JAK2: variants seen among roughly 807,000 people sequenced by gnomAD.
JAK2 encodes the protein Janus kinase 2.
In JAK2, 86 loss-of-function variants were observed where a neutral mutation model predicts 139.3. The observed-to-expected ratio is 0.62, with a 90% CI of 0.52 to 0.74. JAK2 has a LOEUF of 0.74. JAK2 is among the 30% of genes least tolerant of loss of function. The pLI, the probability that JAK2 is intolerant of heterozygous loss-of-function variation, is 0.00. For missense variants in JAK2, 1,421 were observed against 1,360.3 expected (o/e 1.04, Z -0.70); for synonymous variants, 490 against 437.7 (o/e 1.12, Z -1.49).
chr9:5,128,159 A>AAAAAG lies in JAK2; in HGVS notation c.*1373_*1377dup, dbSNP rs1824127905. The AAAAAG allele has an allele frequency of 1.7e-5, 4 of 232,218 alleles. No individual in the cohort carries two copies. The East Asian group carries it at 2.4e-4, about 14-fold the overall frequency. 14.4% of individuals were successfully genotyped at this position (232,218 alleles called of 1,614,324 possible). A position where few individuals can be genotyped will look rare whatever the true frequency, so the allele number is the denominator to read the frequency against. ...ACTTAAAATACTTGCTGTTTTGATT[A>AAAAAG]AAAAGAAAATAGTTTCTTACTTTAT... On this transcript the variant is annotated 3_prime_UTR_variant, in exon 25 of 25. Transcript: ENST00000381652.
intron 2 of JAK2, among the ~76,000 whole-genome samples, chr9:4,999,881 C>T (rs1360124701): frequency 6.6e-6 from 1 of 152,194 alleles, no homozygotes; most frequent in African/African-American, 2.4e-5. Context: ...CATGCTACTA[C>T]TCCTGTCCTT....
At chr9:5,034,507 G>A (rs9775719) in intron 4 of JAK2, among the ~76,000 whole-genome samples, 57,911 of 151,132 alleles carry the variant, frequency 0.38, 12,992 homozygotes, top group African/African-American at 0.64. Flanking sequence ...TCCTCAGCAA[G>A]TGTAAAAGAA....
rs576222680 is a variant in JAK2 at position 5,044,292 on chromosome 9, T to A, written c.351-111T>A. The A allele has an allele frequency of 1.3e-5, 9 of 696,420 alleles. No homozygotes were observed. The East Asian group carries it at 2.4e-4, about 18-fold the overall frequency. 43.1% of individuals were successfully genotyped at this position (696,420 alleles called of 1,614,324 possible). A position where few individuals can be genotyped will look rare whatever the true frequency, so the allele number is the denominator to read the frequency against. ...TTATATTTAATACTGTTAGCTGTGTTTTCTAAGTATGGGATAATACCTTTC... is the reference window on the plus strand; with the variant it reads ...TTATATTTAATACTGTTAGCTGTGTATTCTAAGTATGGGATAATACCTTTC... On this transcript the variant is annotated intron_variant, in intron 4 of 24. Coordinates refer to ENST00000381652, the MANE Select transcript of JAK2 (RefSeq NM_004972.4).
intron 22 of JAK2, among the ~76,000 whole-genome samples, chr9:5,095,301 C>T (rs1050853600): frequency 1.3e-5 from 2 of 152,090 alleles, no homozygotes; most frequent in African/African-American, 4.8e-5. Context: ...TACGCTCACA[C>T]TGATTTCTTA....
intron 15 of JAK2, among the ~76,000 whole-genome samples, chr9:5,077,842 A>C (rs1056681975): frequency 3.3e-5 from 5 of 152,226 alleles, no homozygotes; most frequent in Non-Finnish European, 7.3e-5. Context: ...TTGGATTTAG[A>C]AAATTCAACC....
At chr9:5,080,996 C>T (rs754028570) in intron 18 of JAK2, among the ~76,000 whole-genome samples, 21 of 149,296 alleles carry the variant, frequency 1.4e-4, no homozygotes, top group African/African-American at 2.2e-4. Flanking sequence ...CCAAGGTTCA[C>T]GCCATTCTCC....
rs542536279 is a variant in JAK2, at chr9:5,033,352, G to A, written c.350+3446G>A. Among the ~76,000 whole-genome samples, 20 of 152,236 alleles carry A rather than the reference G, an allele frequency of 1.3e-4. No individual in the cohort carries two copies. In the East Asian group the frequency reaches 3.3e-3, roughly 25 times the overall value. Reference sequence around the variant, plus strand: ...TCCAGGAGAACTTCCCTAATCTAGCGAGGCAGGCAAACATTCAAATTCAGG... The same window carrying A: ...TCCAGGAGAACTTCCCTAATCTAGCAAGGCAGGCAAACATTCAAATTCAGG... On this transcript the variant is annotated intron_variant, in intron 4 of 24. Coordinates refer to ENST00000381652, the MANE Select transcript of JAK2 (RefSeq NM_004972.4).
chr9:5,080,100 T>C lies in JAK2; in HGVS notation c.2132-129T>C, dbSNP rs965137494. On this transcript the variant is annotated intron_variant, in intron 16 of 24. Coordinates refer to ENST00000381652, the MANE Select transcript of JAK2 (RefSeq NM_004972.4). ...TTATGCAGTCATGTGCATGTGCACA[T>C]CCAACCCCTCCAAAATAAAGAAAAT... The C allele has an allele frequency of 2.0e-5, 14 of 700,226 alleles. No homozygotes were observed. The African/African-American group carries it at 2.2e-4, about 11-fold the overall frequency. 43.4% of individuals were successfully genotyped at this position (700,226 alleles called of 1,614,324 possible).
rs540727032 is a variant in JAK2 at position 5,105,341 on chromosome 9, A to C, written c.3059+14430A>C. 1.1e-4 allele frequency among the ~76,000 whole-genome samples: 16 copies of C among 152,340 alleles called. 1 individual carries two copies. The highest frequency in any genetic ancestry group is 2.1e-4 in the Non-Finnish European group (14 of 68,028). On this transcript the variant is annotated intron_variant, in intron 22 of 24. Coordinates refer to ENST00000381652, the MANE Select transcript of JAK2 (RefSeq NM_004972.4). Reference sequence around the variant, plus strand: ...AGAGAATAAAATACCTGGGAATCCAACTTACAAGAGATGCGAAGGACCTCT... The same window carrying C: ...AGAGAATAAAATACCTGGGAATCCACCTTACAAGAGATGCGAAGGACCTCT...
Position 5,126,688 on chromosome 9 carries a change from A to G in JAK2, c.3296A>G (p.Tyr1099Cys), listed in dbSNP as rs1409032625. ...GGTTTATTTTCTCCTTTACAGATCT[A>G]TATGATCATGACAGAATGCTGGAAC... ...PRPDGCPDEI[Y>C]MIMTECWNNN... Residue 1099 changes from tyrosine to cysteine, a missense_variant, in exon 25 of 25, where the codon TAT becomes TGT. Transcript: ENST00000381652. 3.1e-6 allele frequency: 5 copies of G among 1,604,666 alleles called. No homozygotes were observed. The highest frequency in any genetic ancestry group is 4.3e-6 in the Non-Finnish European group (5 of 1,173,362).
At chr9:5,015,250 C>T (rs1821967647) in intron 2 of JAK2, among the ~76,000 whole-genome samples, 1 of 152,112 alleles carries the variant, frequency 6.6e-6, no homozygotes, top group Non-Finnish European at 1.5e-5. Context: ...TAATGTGTCT[C>T]TTGGTGTAAA....
intron 20 of JAK2, 74 bp from the exon 21 acceptor site, chr9:5,090,372 G>C (rs576407914): frequency 9.2e-7 from 1 of 1,091,640 alleles, no homozygotes; most frequent in African/African-American, 1.6e-5. Flanking sequence ...AGTCATTTAT[G>C]TATGATAGTT....
At chr9:5,080,926 T>C (rs1232992371) in intron 18 of JAK2, among the ~76,000 whole-genome samples, 13 of 139,232 alleles carry the variant, frequency 9.3e-5, no homozygotes, top group East Asian at 4.1e-4. Flanking sequence ...GATGGAGTCT[T>C]ACTCTGTCGC....
chr9:5,029,669 C>A, intron 3 of JAK2, 114 bp from the exon 4 acceptor site: 1 of 905,784 alleles, frequency 1.1e-6, no homozygotes, highest in Middle Eastern at 2.9e-4. Flanking sequence ...ACTGCTATTA[C>A]ATTTTGTTCC....
chr9:5,118,919 T>C (rs929639015), intron 22 of JAK2, among the ~76,000 whole-genome samples: 3 of 152,224 alleles, frequency 2.0e-5, no homozygotes, highest in African/African-American at 7.2e-5. Context: ...TCATCTGTTT[T>C]CTCAATTTCT....
chr9:5,065,052 A>G lies in JAK2; in HGVS notation c.1214+12A>G. On this transcript the variant is annotated intron_variant, in intron 9 of 24. Coordinates refer to ENST00000381652, the MANE Select transcript of JAK2 (RefSeq NM_004972.4). ...CATGGCCCAATTTCGTGAGTAATACAGACTTAAAAGTAAATTTTTAGAAAA... is the reference window on the plus strand; with the variant it reads ...CATGGCCCAATTTCGTGAGTAATACGGACTTAAAAGTAAATTTTTAGAAAA... The G allele has an allele frequency of 2.0e-6, 3 of 1,509,264 alleles. No homozygotes were observed. Among genetic ancestry groups the G allele is most frequent in the Non-Finnish European group, 2.7e-6 (3 of 1,124,584 alleles). The allele number at this position is 1,509,264 out of a possible 1,614,324, so 93.5% of individuals were successfully genotyped here. A position where few individuals can be genotyped will look rare whatever the true frequency, so the allele number is the denominator to read the frequency against.
chr9:5,070,186 T>A (rs187219822), intron 12 of JAK2, 134 bp downstream of exon 12: 1 of 513,960 alleles, frequency 1.9e-6, no homozygotes, highest in Non-Finnish European at 3.2e-6. Context: ...ATTTTTCTTA[T>A]GAAAAATATG....
intron 2 of JAK2, among the ~76,000 whole-genome samples, chr9:5,010,065 C>G (rs1167266686): frequency 6.6e-6 from 1 of 152,178 alleles, no homozygotes; most frequent in South Asian, 2.1e-4. Flanking sequence ...AGCCATCGCA[C>G]CTAGCCTATG....
chr9:5,126,501 C>A, intron 24 of JAK2, 55 bp downstream of exon 24: 2 of 1,228,726 alleles, frequency 1.6e-6, no homozygotes, highest in South Asian at 1.3e-5. Context: ...ACTTTTTACT[C>A]AAGGACTTCA....
Sources: allele counts gnomAD v4.1 joint callset (sites outside exome capture counted in the v4.1 genomes callset), GRCh38; gene constraint gnomAD v4.1.1; transcripts MANE v1.5; gene names NCBI Gene and HGNC (gene_info 2026-07-23, HGNC 2026-07-21).